The following CAMTA1 variants were observed in gnomAD, a reference collection of about 807,000 sequenced individuals.
CAMTA1 encodes calmodulin-binding transcription activator 1.
In CAMTA1, 27 loss-of-function variants were observed where a neutral mutation model predicts 170.9. The observed-to-expected ratio is 0.16, with a 90% CI of 0.12 to 0.22. The LOEUF is 0.22. Ranked by LOEUF, CAMTA1 falls within the 10% of genes least tolerant of loss-of-function variation. The pLI, the probability that CAMTA1 is intolerant of heterozygous loss-of-function variation, is 1.00. For synonymous variants in CAMTA1, 833 were observed against 891.5 expected (o/e 0.93, Z 1.17); for missense variants, 1,619 against 2,217.2 (o/e 0.73, Z 5.42).
At chr1:7,016,315 C>T (rs1230122837) in intron 3 of CAMTA1, among the ~76,000 whole-genome samples, 2 of 152,138 alleles carry the variant, frequency 1.3e-5, no homozygotes, top group African/African-American at 4.8e-5. Flanking sequence ...AATTTTGCCT[C>T]ATTGTGTGCA....
rs568166881 is a variant in CAMTA1, at chr1:6,897,605, G to A, written c.234+72395G>A. ...TACCTACCTGGTCGGTACTCCTGGT[G>A]AGTTTTTGAAAGGCAGTGTCTTTCC... On this transcript the variant is annotated intron_variant, in intron 3 of 22. Transcript: ENST00000303635. Among the ~76,000 whole-genome samples the A allele has an allele frequency of 5.9e-5, 9 of 152,282 alleles. No homozygotes were observed. In the South Asian group the frequency reaches 1.9e-3, roughly 32 times the overall value.
chr1:7,737,161 C>G, intron 14 of CAMTA1, 94 bp from the exon 15 acceptor site: 1 of 1,404,732 alleles, frequency 7.1e-7, no homozygotes, highest in South Asian at 1.3e-5. Context: ...AGATTGCCAG[C>G]AAGGACCAGT....
Position 7,196,066 on chromosome 1 carries a change from A to G in CAMTA1, c.303-53425A>G, listed in dbSNP as rs148291317. 1.8e-3 allele frequency among the ~76,000 whole-genome samples: 279 copies of G among 152,244 alleles called. 2 individuals are homozygous for G. Among genetic ancestry groups the G allele is most frequent in the African/African-American group, 6.4e-3 (268 of 41,558 alleles). On this transcript the variant is annotated intron_variant, in intron 4 of 22. Coordinates refer to ENST00000303635, the MANE Select transcript of CAMTA1 (RefSeq NM_015215.4). Reference sequence around the variant, plus strand: ...AGTTTGGATTTGTGTCCCTACCCAAATCTCACATTGAATGAGAGGAGGGGC... The same window carrying G: ...AGTTTGGATTTGTGTCCCTACCCAAGTCTCACATTGAATGAGAGGAGGGGC...
At chr1:7,550,444 C>T (rs1011723106) in intron 6 of CAMTA1, among the ~76,000 whole-genome samples, 2 of 151,930 alleles carry the variant, frequency 1.3e-5, no homozygotes, top group Admixed American at 1.3e-4. Flanking sequence ...CCACTCCCAC[C>T]CGGCTTTCTC....
intron 5 of CAMTA1, among the ~76,000 whole-genome samples, chr1:7,422,489 C>T (rs961950476): frequency 6.6e-6 from 1 of 152,160 alleles, no homozygotes; most frequent in African/African-American, 2.4e-5. Context: ...GCCAGACCCC[C>T]TCTGTGCTGG....
chr1:7,583,215 A>G (rs1163384633), intron 6 of CAMTA1, among the ~76,000 whole-genome samples: 1 of 152,014 alleles, frequency 6.6e-6, no homozygotes, highest in Non-Finnish European at 1.5e-5. Context: ...TCAGTTCCAC[A>G]TTGCATGGGG....
At chr1:7,619,575 A>G (rs2095582902) in intron 6 of CAMTA1, among the ~76,000 whole-genome samples, 1 of 152,174 alleles carries the variant, frequency 6.6e-6, no homozygotes, top group Non-Finnish European at 1.5e-5. Context: ...GGAAGATGGG[A>G]GAATAATTGG....
intron 4 of CAMTA1, among the ~76,000 whole-genome samples, chr1:7,108,509 TCA>T (rs1336894946): frequency 6.6e-6 from 1 of 152,096 alleles, no homozygotes; most frequent in Non-Finnish European, 1.5e-5. Flanking sequence ...GCCTGAACTC[TCA>T]CATCATCCTC....
At chr1:6,959,136 T>C (rs1217056217) in intron 3 of CAMTA1, among the ~76,000 whole-genome samples, 1 of 152,234 alleles carries the variant, frequency 6.6e-6, no homozygotes, top group Non-Finnish European at 1.5e-5. Context: ...CAGAGAGTCC[T>C]GAAAACATGC....
chr1:7,511,352 A>G (rs2094199526), intron 6 of CAMTA1, among the ~76,000 whole-genome samples: 1 of 136,016 alleles, frequency 7.4e-6, no homozygotes, highest in South Asian at 2.4e-4. Flanking sequence ...TCACCCATAT[A>G]TTAAGTGTTA....
At chr1:7,713,525 A>G (rs2096586988) in intron 11 of CAMTA1, among the ~76,000 whole-genome samples, 1 of 152,102 alleles carries the variant, frequency 6.6e-6, no homozygotes, top group Non-Finnish European at 1.5e-5. Flanking sequence ...CTGTTAGCAT[A>G]TTAGGGTTCA....
At chr1:6,913,032 A>G (rs1680047506) in intron 3 of CAMTA1, among the ~76,000 whole-genome samples, 1 of 152,208 alleles carries the variant, frequency 6.6e-6, no homozygotes, top group Admixed American at 6.5e-5. Context: ...CCAGGCTGCC[A>G]TCAGCATGCC....
At chr1:7,387,946 A>G (rs1185385026) in intron 5 of CAMTA1, among the ~76,000 whole-genome samples, 4 of 151,992 alleles carry the variant, frequency 2.6e-5, no homozygotes, top group African/African-American at 4.8e-5. Flanking sequence ...GGAGCGGTTT[A>G]CTGGGGGAGG....
intron 5 of CAMTA1, among the ~76,000 whole-genome samples, chr1:7,352,609 T>C (rs1484232388): frequency 6.6e-6 from 1 of 152,160 alleles, no homozygotes; most frequent in Non-Finnish European, 1.5e-5. Context: ...GGAAAGGGAT[T>C]TTTAAAGTAA....
chr1:7,474,580 C>A (rs2093389487), intron 6 of CAMTA1, among the ~76,000 whole-genome samples: 2 of 152,222 alleles, frequency 1.3e-5, no homozygotes, highest in Admixed American at 1.3e-4. Context: ...CCCACCCCAT[C>A]CCTAGCATCC....
intron 5 of CAMTA1, among the ~76,000 whole-genome samples, chr1:7,365,919 GTCA>G (rs1335323609): frequency 1.3e-5 from 2 of 152,228 alleles, no homozygotes; most frequent in Non-Finnish European, 2.9e-5. Flanking sequence ...CGCGCACAGG[GTCA>G]TCAGCTTCCT....
intron 3 of CAMTA1, among the ~76,000 whole-genome samples, chr1:6,988,514 C>T (rs1695740589): frequency 6.6e-6 from 1 of 152,166 alleles, no homozygotes; most frequent in East Asian, 1.9e-4. Context: ...TAATGAACTA[C>T]AAGTCCCTGA....
chr1:7,103,225 A>G (rs892707267), intron 4 of CAMTA1, among the ~76,000 whole-genome samples: 2 of 152,046 alleles, frequency 1.3e-5, no homozygotes, highest in South Asian at 2.1e-4. Flanking sequence ...AATGAACTGG[A>G]AGTCCAAGGG....
chr1:7,430,471 C>T (rs932877265), intron 5 of CAMTA1, among the ~76,000 whole-genome samples: 12 of 146,366 alleles, frequency 8.2e-5, no homozygotes, highest in East Asian at 2.1e-4. Context: ...GTGATGACAG[C>T]GATAACATGG....
Sources: allele counts gnomAD v4.1 joint callset (sites outside exome capture counted in the v4.1 genomes callset), GRCh38; gene constraint gnomAD v4.1.1; transcripts MANE v1.5; gene names NCBI Gene and HGNC (gene_info 2026-07-23, HGNC 2026-07-21).